The following CRACD variants were observed in gnomAD, a reference collection of about 807,000 sequenced individuals.
CRACD encodes capping protein-inhibiting regulator of actin dynamics.
Under a neutral mutation model 106.8 loss-of-function variants are expected in CRACD, and 56 were observed. That is an observed-to-expected ratio of 0.52 (90% CI 0.42 to 0.66). The LOEUF is 0.66. Among genes scored for constraint, CRACD ranks in the 30% least tolerant of loss-of-function variants. CRACD has a pLI of 0.00. For synonymous variants in CRACD, 754 were observed against 670.8 expected (o/e 1.12, Z -1.92); for missense variants, 1,730 against 1,623.2 (o/e 1.07, Z -1.13).
rs996668171 is a variant in CRACD at position 56,302,642 on chromosome 4, G to A, written c.120+4293G>A. Among the ~76,000 whole-genome samples the A allele has an allele frequency of 4.1e-4, 62 of 152,088 alleles. 1 individual carries two copies. Among genetic ancestry groups the A allele is most frequent in the Non-Finnish European group, 5.9e-5 (4 of 68,026 alleles). On this transcript the variant is annotated intron_variant, in intron 4 of 10. Coordinates refer to ENST00000682029, the MANE Select transcript of CRACD (RefSeq NM_001393381.1). The stretch of plus-strand genomic sequence containing the variant: ...GAGCAGGATGTCTTTAATTCTGTAT[G>A]CTTTTTCTTTTTTTTTATTATTATT...
At chr4:56,320,235 G>GTATC (rs1387591345) in intron 8 of CRACD, among the ~76,000 whole-genome samples, 2 of 152,012 alleles carry the variant, frequency 1.3e-5, no homozygotes, top group Non-Finnish European at 2.9e-5. Flanking sequence ...AAATAGCTTA[G>GTATC]TATCCCTTTC....
chr4:56,271,408 A>AT (rs1482713240), intron 2 of CRACD, among the ~76,000 whole-genome samples: 1 of 152,206 alleles, frequency 6.6e-6, no homozygotes, highest in East Asian at 1.9e-4. Context: ...TTCATAGTAG[A>AT]TTTTAAAAAG....
chr4:56,084,614 G>T (rs1186963636), intron 1 of CRACD, among the ~76,000 whole-genome samples: 4 of 152,110 alleles, frequency 2.6e-5, no homozygotes, highest in Non-Finnish European at 5.9e-5. Flanking sequence ...ACAAGGCCGT[G>T]GGCACTGAGC....
rs201890665 is a variant in CRACD, at chr4:56,327,780, C to T, written c.3678C>T (p.Ser1226=). The T allele has an allele frequency of 6.1e-4, 980 of 1,614,108 alleles. 3 individuals carry two copies. The Middle Eastern group carries it at 8.6e-3, about 14-fold the overall frequency. ...CCAAAAGGAAAGCAAAGGCTTGGAG[C>T]GACTGTCCACAGATTATTAAGTAAA... ...ALAKRKAKAW[S]DCPQIIK Residue 1226 remains serine (S), a synonymous_variant, in exon 11 of 11, where the codon AGC becomes AGT. Coordinates refer to ENST00000682029, the MANE Select transcript of CRACD (RefSeq NM_001393381.1).
intron 3 of CRACD, among the ~76,000 whole-genome samples, chr4:56,272,829 G>T (rs567442937): frequency 6.6e-6 from 1 of 151,428 alleles, no homozygotes; most frequent in African/African-American, 2.4e-5. Flanking sequence ...AACCCAGGAG[G>T]TGGAGGTTGC....
intron 1 of CRACD, among the ~76,000 whole-genome samples, chr4:56,079,351 T>A (rs1427421709): frequency 6.6e-6 from 1 of 152,218 alleles, no homozygotes; most frequent in East Asian, 1.9e-4. Flanking sequence ...CATGTTTGAA[T>A]CATCATTCTG....
At position 56,250,740 on chromosome 4, in the gene CRACD, G is replaced by A. The variant is rs534011207; in HGVS notation, c.-188-21581G>A. ...AGCTTCCATTTTCTATCTGTAAAAC[G>A]TGGAAAATAATACCTCACAGAGTGG... On this transcript the variant is annotated intron_variant, in intron 2 of 10. Transcript: ENST00000682029. 8.5e-5 allele frequency among the ~76,000 whole-genome samples: 13 copies of A among 152,286 alleles called. No homozygotes were observed. The East Asian group carries it at 1.9e-3, about 23-fold the overall frequency.
intron 1 of CRACD, among the ~76,000 whole-genome samples, chr4:56,166,102 C>T (rs952082720): frequency 2.0e-4 from 30 of 152,102 alleles, no homozygotes; most frequent in African/African-American, 7.0e-4. Context: ...CAGCCTCAAG[C>T]GATCCTCCCT....
chr4:56,257,000 A>C (rs560024787), intron 2 of CRACD, among the ~76,000 whole-genome samples: 9 of 152,300 alleles, frequency 5.9e-5, no homozygotes, highest in African/African-American at 2.2e-4. Flanking sequence ...CTTTGAGGCA[A>C]TAAGATACAT....
At chr4:56,246,054 C>CA (rs1304518529) in intron 2 of CRACD, among the ~76,000 whole-genome samples, 1 of 152,072 alleles carries the variant, frequency 6.6e-6, no homozygotes, top group Non-Finnish European at 1.5e-5. Context: ...AGGCATTGGC[C>CA]ACAGCCTGAA....
At chr4:56,079,729 A>G (rs1732960361) in intron 1 of CRACD, among the ~76,000 whole-genome samples, 2 of 152,164 alleles carry the variant, frequency 1.3e-5, no homozygotes, top group Admixed American at 6.5e-5. Context: ...AAGTGCAGGC[A>G]TGAGCCACTG....
chr4:56,298,516 C>T (rs1335201212), intron 4 of CRACD, among the ~76,000 whole-genome samples, 167 bp downstream of exon 4: 1 of 152,190 alleles, frequency 6.6e-6, no homozygotes, highest in Non-Finnish European at 1.5e-5. Context: ...CTGGAAACCT[C>T]CTGCCTACCT....
At chr4:56,155,192 G>GGGGCCC (rs1577698166) in intron 1 of CRACD, among the ~76,000 whole-genome samples, 1 of 152,208 alleles carries the variant, frequency 6.6e-6, no homozygotes, top group East Asian at 1.9e-4. Context: ...GATCCAAGCT[G>GGGGCCC]AAGGAGGGGC....
intron 2 of CRACD, among the ~76,000 whole-genome samples, chr4:56,255,584 G>A (rs925613498): frequency 1.3e-5 from 2 of 152,146 alleles, no homozygotes; most frequent in African/African-American, 4.8e-5. Context: ...GACCTGCTGA[G>A]AAGAAAGTAA....
intron 10 of CRACD, among the ~76,000 whole-genome samples, chr4:56,326,219 T>C (rs1031948771): frequency 2.0e-5 from 3 of 152,108 alleles, no homozygotes; most frequent in Non-Finnish European, 4.4e-5. Flanking sequence ...GCCCAAAGCT[T>C]TATATTTGAA....
Position 56,323,543 on chromosome 4 carries a change from G to A in CRACD, c.3354G>A (p.Gln1118=). 6.3e-7 allele frequency: 1 copy of A among 1,585,862 alleles called. No homozygotes were observed. The highest frequency in any genetic ancestry group is 8.5e-7 in the Non-Finnish European group (1 of 1,172,594). Reference sequence around the variant, plus strand: ...GAAAGCAAGCCAGAGAGGCCAAACAGGCAGAAAAGCTCTCCAAAGAAAATG... The same window carrying A: ...GAAAGCAAGCCAGAGAGGCCAAACAAGCAGAAAAGCTCTCCAAAGAAAATG... ...EERKQAREAK[Q]AEKLSKENVS... Residue 1118 remains glutamine, a synonymous_variant, in exon 9 of 11, where the codon CAG becomes CAA. Transcript: ENST00000682029.
intron 1 of CRACD, among the ~76,000 whole-genome samples, chr4:56,157,775 A>T (rs957448590): frequency 6.6e-6 from 1 of 152,208 alleles, no homozygotes; most frequent in Non-Finnish European, 1.5e-5. Context: ...TTTAAAATTC[A>T]GGGCCAGGAT....
chr4:56,060,591 G>T (rs1279529200), intron 1 of CRACD, among the ~76,000 whole-genome samples: 1 of 151,842 alleles, frequency 6.6e-6, no homozygotes, highest in Non-Finnish European at 1.5e-5. Flanking sequence ...GGAGGGGAGG[G>T]GCAGGAGACA....
In CRACD at chr4:56,250,231, A is replaced by G. The variant is rs575930387; in HGVS notation, c.-188-22090A>G. ...TTTTTGATAATAAGTAAGAAATGCCATATAATGGTCAAAACATACCCATTC... is the reference window on the plus strand; with the variant it reads ...TTTTTGATAATAAGTAAGAAATGCCGTATAATGGTCAAAACATACCCATTC... On this transcript the variant is annotated intron_variant, in intron 2 of 10. Coordinates refer to ENST00000682029, the MANE Select transcript of CRACD (RefSeq NM_001393381.1). 3.0e-3 allele frequency among the ~76,000 whole-genome samples: 455 copies of G among 152,130 alleles called. 3 individuals carry two copies. Among genetic ancestry groups the G allele is most frequent in the African/African-American group, 0.01 (435 of 41,506 alleles).
Sources: allele counts gnomAD v4.1 joint callset (sites outside exome capture counted in the v4.1 genomes callset), GRCh38; gene constraint gnomAD v4.1.1; transcripts MANE v1.5; gene names NCBI Gene and HGNC (gene_info 2026-07-23, HGNC 2026-07-21).